The following HYI variants were observed in gnomAD, a reference collection of about 807,000 sequenced individuals.
HYI encodes putative hydroxypyruvate isomerase.
Under a neutral mutation model 39.7 loss-of-function variants are expected in HYI, and 47 were observed. The observed-to-expected ratio is 1.18, with a 90% CI of 0.94 to 1.51. The LOEUF (loss-of-function observed/expected upper bound fraction) is 1.51, where lower values mean the gene tolerates loss of function less well. Ranked by LOEUF, HYI falls within the 40% of genes most tolerant of loss-of-function variation. The pLI, the probability that HYI is intolerant of heterozygous loss-of-function variation, is 0.00. For synonymous variants in HYI, 186 were observed against 158.8 expected, an observed-to-expected ratio of 1.17 and a Z score of -1.29; for missense variants, 465 against 370.3, an observed-to-expected ratio of 1.26 and a Z score of -2.10.
chr1:43,452,468 C>A, intron 2 of HYI, 149 bp from the exon 3 acceptor site: 1 of 723,142 alleles, frequency 1.4e-6, no homozygotes. Flanking sequence ...CCAGCACTTT[C>A]AGAGACACTT....
Position 43,453,580 on chromosome 1 carries a change from C to T in HYI, c.199+15G>A. ...CACCCCCCAGCCCTCCCAGCCCTCC[C>T]GGCCCGCGACGCACCCGGGGGCGTG... On this transcript the variant is annotated intron_variant, in intron 1 of 7. Coordinates refer to ENST00000372430, the MANE Select transcript of HYI (RefSeq NM_001190880.3). 1.3e-6 allele frequency: 2 copies of T among 1,519,286 alleles called. No homozygotes were observed. The highest frequency in any genetic ancestry group is 1.3e-5 in the South Asian group (1 of 79,656). The allele number at this position is 1,519,286 out of a possible 1,614,324, so 94.1% of individuals were successfully genotyped here. A position where few individuals can be genotyped will look rare whatever the true frequency, so the allele number is the denominator to read the frequency against.
In HYI at chr1:43,453,861, C is replaced by CA; in HGVS notation, c.-69_-68insT. Reference sequence around the variant, plus strand: ...GCGGCGGGCGGCGGGCGGCGGGCGGCGGGCGGGGGCGGGGCTCTCCTTGCT... The same window carrying CA: ...GCGGCGGGCGGCGGGCGGCGGGCGGCAGGGCGGGGGCGGGGCTCTCCTTGCT... On this transcript the variant is annotated 5_prime_UTR_variant, in exon 1 of 8. Transcript: ENST00000372430. 1 of 757,906 alleles carries CA rather than the reference C, an allele frequency of 1.3e-6. No homozygotes were observed. The highest frequency in any genetic ancestry group is 4.9e-5 in the Admixed American group (1 of 20,444). The allele number at this position is 757,906 out of a possible 1,614,324, so 46.9% of individuals were successfully genotyped here. A position where few individuals can be genotyped will look rare whatever the true frequency, so the allele number is the denominator to read the frequency against.
In HYI at chr1:43,451,335, C is replaced by T. The variant is rs1362445057; in HGVS notation, c.761-24G>A. 4 of 1,612,476 alleles carry T rather than the reference C, an allele frequency of 2.5e-6. No homozygotes were observed. The South Asian group carries it at 3.3e-5, about 13-fold the overall frequency. ...TCCTGCAGGGAGAGGGAGGCCTCGGCACCTCAGCCCACAAGGAGAAAACAG... is the reference window on the plus strand; with the variant it reads ...TCCTGCAGGGAGAGGGAGGCCTCGGTACCTCAGCCCACAAGGAGAAAACAG... On this transcript the variant is annotated intron_variant, in intron 7 of 7. Coordinates refer to ENST00000372430, the MANE Select transcript of HYI (RefSeq NM_001190880.3).
rs778463185 is a variant in HYI at position 43,453,681 on chromosome 1, G to A, written c.113C>T (p.Ala38Val). ...CTCAGGCGTCTCCGCGTACGGCCAG[G>A]CCACCTCGACGGCCTCGAAGCCCGA... ...GSSGFEAVEV[A>V]WPYAETPEAL... is the part of the protein sequence containing the mutation. Residue 38 changes from alanine to valine, a missense_variant, in exon 1 of 8, where the codon GCC becomes GTC. Ala to Val is a moderately conservative substitution (Grantham distance 64). Transcript: ENST00000372430. 6.2e-6 allele frequency: 9 copies of A among 1,463,338 alleles called. 1 individual carries two copies. The highest frequency in any genetic ancestry group is 8.1e-6 in the Non-Finnish European group (9 of 1,117,106). 90.6% of individuals were successfully genotyped at this position (1,463,338 alleles called of 1,614,324 possible). A position where few individuals can be genotyped will look rare whatever the true frequency, so the allele number is the denominator to read the frequency against.
chr1:43,452,013 C>T lies in HYI; in HGVS notation c.427G>A (p.Glu143Lys). The change falls in exon 4 of 8, where the codon GAG becomes AAG. Residue 143 changes from glutamate to lysine, a missense_variant and splice_region_variant. Transcript: ENST00000372430. ...GGCTCCAGCAGTCCCACGAGGTCCT[C>T]CTAGCAGCATGTCGGGTGCTGTGAA... ...LRHAAGVLAQ[E>K]DLVGLLEPIN... 6.2e-7 allele frequency: 1 copy of T among 1,605,718 alleles called. No homozygotes were observed. Among genetic ancestry groups the T allele is most frequent in the Non-Finnish European group, 8.5e-7 (1 of 1,174,800 alleles).
intron 2 of HYI, chr1:43,452,865 A>G (rs1656589605): frequency 6.4e-7 from 1 of 1,567,216 alleles, no homozygotes; most frequent in Non-Finnish European, 8.6e-7. Flanking sequence ...AGCTCCAAGC[A>G]GACATTCCAG....
Position 43,451,560 on chromosome 1 carries a change from G to A in HYI, c.626-16C>T. On this transcript the variant is annotated splice_polypyrimidine_tract_variant and intron_variant, in intron 6 of 7. Transcript: ENST00000372430. ...TGCACATGCCCTGGGGACAGATGTGGACAAATGTGGGGTCCAGGCTCCTGC... is the reference window on the plus strand; with the variant it reads ...TGCACATGCCCTGGGGACAGATGTGAACAAATGTGGGGTCCAGGCTCCTGC... 1 of 1,613,606 alleles carries A rather than the reference G, an allele frequency of 6.2e-7. No homozygotes were observed.
intron 4 of HYI, 24 bp from the exon 5 acceptor site, chr1:43,451,871 AC>A: frequency 6.2e-7 from 1 of 1,613,976 alleles, no homozygotes; most frequent in African/African-American, 1.3e-5. Flanking sequence ...CAGGGAGGGG[AC>A]CGTGAGCCTC....
chr1:43,453,813 G>A lies in HYI; in HGVS notation c.-20C>T, dbSNP rs1291560424. The stretch of plus-strand genomic sequence containing the variant: ...CGCCATGCCTGGGGAGGCCGGGCCG[G>A]GCGGAGTCCGCGGGATCCAAAGGCG... On this transcript the variant is annotated 5_prime_UTR_variant, in exon 1 of 8. Transcript: ENST00000372430. 37 of 1,247,666 alleles carry A rather than the reference G, an allele frequency of 3.0e-5. No individual in the cohort carries two copies. The highest frequency in any genetic ancestry group is 3.7e-5 in the Non-Finnish European group (37 of 998,570). The allele number at this position is 1,247,666 out of a possible 1,614,324, so 77.3% of individuals were successfully genotyped here. A position where few individuals can be genotyped will look rare whatever the true frequency, so the allele number is the denominator to read the frequency against.
chr1:43,453,130 T>TTAA (rs1199982855), intron 2 of HYI: 1 of 705,270 alleles, frequency 1.4e-6, no homozygotes, highest in African/African-American at 1.7e-5. Flanking sequence ...CTGTATATAT[T>TTAA]TACTCTCCTA....
chr1:43,452,429 T>A (rs1464614070), intron 2 of HYI, 110 bp from the exon 3 acceptor site: 2 of 852,200 alleles, frequency 2.3e-6, no homozygotes, highest in Non-Finnish European at 3.9e-6. Context: ...CTCCAGTCCA[T>A]GGCACCTGGG....
chr1:43,453,436 T>G lies in HYI; in HGVS notation c.261A>C (p.Arg87=). 3 of 1,563,202 alleles carry G rather than the reference T, an allele frequency of 1.9e-6. No individual in the cohort carries two copies. The highest frequency in any genetic ancestry group is 2.6e-6 in the Non-Finnish European group (3 of 1,152,824). The change falls in exon 2 of 8, where the codon CGA becomes CGC. Residue 87 remains arginine, a synonymous_variant. Transcript: ENST00000372430. ...GAVPGRQAAF[R]EGLEQAVRYA... The stretch of plus-strand genomic sequence containing the variant: ...ACCGCACGGCCTGCTCCAGTCCCTC[T>G]CGGAAGGCCGCCTGTCTCCCGGGGA...
intron 2 of HYI, chr1:43,453,052 C>T (rs1280770636): frequency 8.3e-7 from 1 of 1,201,370 alleles, no homozygotes; most frequent in Non-Finnish European, 1.2e-6. Context: ...TTTCTCTGAT[C>T]CAGACAGGGT....
rs1234412743 is a variant in HYI at position 43,452,774 on chromosome 1, C to T, written c.312-455G>A. The T allele has an allele frequency of 1.2e-5, 11 of 941,568 alleles. No homozygotes were observed. In the African/African-American group the frequency reaches 1.3e-4, roughly 11 times the overall value. 58.3% of individuals were successfully genotyped at this position (941,568 alleles called of 1,614,324 possible). A position where few individuals can be genotyped will look rare whatever the true frequency, so the allele number is the denominator to read the frequency against. ...CCAGTTCCTTCTGAGCCTGTTTGGC[C>T]TCTGCAGGATTTGACATTTGAATCA... On this transcript the variant is annotated intron_variant, in intron 2 of 7. Transcript: ENST00000372430.
chr1:43,452,219 C>T lies in HYI; in HGVS notation c.412G>A (p.Gly138Arg). The part of the protein sequence containing the change: ...VFLENLRHAA[G>R]VLAQEDLVGL... ...ACCTTTCTCACCTGAGCCAAAACCC[C>T]AGCTGCATGCCTCAGGTTCTCCAGA... Residue 138 changes from glycine (G) to arginine (R), a missense_variant, in exon 3 of 8, where the codon GGG (glycine) becomes AGG (arginine). Coordinates refer to ENST00000372430, the MANE Select transcript of HYI (RefSeq NM_001190880.3). 6.2e-7 allele frequency: 1 copy of T among 1,613,304 alleles called. No homozygotes were observed. The highest frequency in any genetic ancestry group is 8.5e-7 in the Non-Finnish European group (1 of 1,179,558).
At chr1:43,453,558 C>A (rs1278882889) in intron 1 of HYI, 37 bp downstream of exon 1, 1 of 1,519,376 alleles carries the variant, frequency 6.6e-7, no homozygotes, top group Non-Finnish European at 8.9e-7. Flanking sequence ...GCCCCGGCAC[C>A]CCCCAGCCCT....
At chr1:43,450,869 T>A (rs774149731), downstream of HYI, 2 of 721,792 alleles carry the variant, frequency 2.8e-6, no homozygotes, top group East Asian at 5.4e-5. The surrounding 1 kb of genome is among the most constrained non-coding windows in gnomAD (Gnocchi z 4.3). Flanking sequence ...CCTGTGTCCC[T>A]TGAGCCTTCG....
At chr1:43,453,170 G>C in intron 2 of HYI, 1 of 654,896 alleles carries the variant, frequency 1.5e-6, no homozygotes, top group Admixed American at 2.3e-5. Context: ...CTCCCAGCAT[G>C]GGATCCCAGC....
At chr1:43,450,956 C>T (rs1229609184), downstream of HYI, 5 of 760,956 alleles carry the variant, frequency 6.6e-6, no homozygotes, top group South Asian at 5.4e-5. The surrounding 1 kb of genome is among the most constrained non-coding windows in gnomAD (Gnocchi z 4.3). Flanking sequence ...CCCAGCTCTG[C>T]CTTTGAAGCA....
Sources: gnomAD v4.1 joint callset for allele counts on GRCh38, gnomAD v4.1.1 for gene constraint, Gnocchi (gnomAD v3.1) non-coding constraint, MANE v1.5 for transcripts, NCBI Gene and HGNC (gene_info 2026-07-23, HGNC 2026-07-21) for gene names.